CSMD1: variants seen among roughly 807,000 people sequenced by gnomAD.
CSMD1 encodes CUB and Sushi multiple domains 1, also known as CUB and sushi domain-containing protein 1.
CSMD1 carries 213 observed loss-of-function variants against 417.5 expected under a neutral mutation model. The ratio of observed to expected loss-of-function variants is 0.51; its 90% confidence interval spans 0.46 to 0.57. The LOEUF (loss-of-function observed/expected upper bound fraction) is 0.57. CSMD1 is among the 20% of genes least tolerant of loss of function. The pLI, the probability that CSMD1 is intolerant of heterozygous loss-of-function variation, is 0.00. For missense variants in CSMD1, 6,923 were observed against 4,529.7 expected (o/e 1.53, Z -15.17); for synonymous variants, 2,862 against 1,736.8 (o/e 1.65, Z -16.11).
intron 1 of CSMD1, among the ~76,000 whole-genome samples, chr8:4,798,340 C>G (rs996613896): frequency 3.3e-5 from 5 of 152,188 alleles, no homozygotes; most frequent in Non-Finnish European, 7.3e-5. Flanking sequence ...AGGACATGAA[C>G]TCATCCTTTT....
rs950927290 is a variant in CSMD1, at chr8:4,490,908, A to G, written c.303-70843T>C. Among the ~76,000 whole-genome samples, 8 of 152,230 alleles carry G rather than the reference A, an allele frequency of 5.3e-5. No homozygotes were observed. In the South Asian group the frequency reaches 1.4e-3, roughly 28 times the overall value. On this transcript the variant is annotated intron_variant, in intron 2 of 69. Coordinates refer to ENST00000635120, the MANE Select transcript of CSMD1 (RefSeq NM_033225.6). The stretch of plus-strand genomic sequence containing the variant: ...AAGCACAGCAGTGGTTTCTAGGACT[A>G]TAACTTATCACAGGAGTGGATAAGG...
intron 23 of CSMD1, among the ~76,000 whole-genome samples, chr8:3,328,165 G>C (rs776771524): frequency 1.3e-5 from 2 of 152,168 alleles, no homozygotes; most frequent in East Asian, 1.9e-4. Context: ...CCTAAACCTG[G>C]TTCTTGGATG....
intron 7 of CSMD1, among the ~76,000 whole-genome samples, chr8:3,646,161 A>G (rs1797559620): frequency 6.6e-6 from 1 of 152,142 alleles, no homozygotes; most frequent in Non-Finnish European, 1.5e-5. Flanking sequence ...ACAATATATA[A>G]AATGAAAAAG....
intron 1 of CSMD1, among the ~76,000 whole-genome samples, chr8:4,907,483 C>T (rs1039683475): frequency 6.6e-4 from 101 of 152,102 alleles, no homozygotes; most frequent in African/African-American, 2.4e-3. Flanking sequence ...ATATAAAAAT[C>T]CTAAACTCAT....
At chr8:4,691,861 T>C (rs1465110497) in intron 1 of CSMD1, among the ~76,000 whole-genome samples, 1 of 152,226 alleles carries the variant, frequency 6.6e-6, no homozygotes, top group East Asian at 1.9e-4. Flanking sequence ...TTCACACTTC[T>C]CAAACACACT....
At chr8:4,468,633 T>G (rs1263485969) in intron 2 of CSMD1, among the ~76,000 whole-genome samples, 1 of 152,200 alleles carries the variant, frequency 6.6e-6, no homozygotes, top group African/African-American at 2.4e-5. Context: ...ATTGTTAAAA[T>G]GGTCCATATC....
intron 8 of CSMD1, among the ~76,000 whole-genome samples, chr8:3,593,880 TA>T (rs1041210537): frequency 3.3e-5 from 5 of 152,298 alleles, no homozygotes; most frequent in African/African-American, 1.2e-4. Flanking sequence ...TCCTCCATCT[TA>T]CTTGATTTTC....
intron 38 of CSMD1, among the ~76,000 whole-genome samples, chr8:3,159,279 G>A (rs754941173): frequency 4.3e-4 from 65 of 152,112 alleles, no homozygotes; most frequent in Non-Finnish European, 8.7e-4. Context: ...TCCGATGAGC[G>A]ATTCTAGCTA....
chr8:2,938,976 T>A (rs929267410), intron 69 of CSMD1, among the ~76,000 whole-genome samples: 4 of 152,138 alleles, frequency 2.6e-5, no homozygotes, highest in Non-Finnish European at 5.9e-5. Context: ...TTAAATAAAA[T>A]TTTTTTGAGA....
intron 3 of CSMD1, among the ~76,000 whole-genome samples, chr8:4,073,372 C>G (rs1799657043): frequency 6.6e-6 from 1 of 152,070 alleles, no homozygotes; most frequent in African/African-American, 2.4e-5. Flanking sequence ...CAAGGTCGTA[C>G]TTAATGAAGC....
chr8:3,559,080 G>A (rs1386117744), intron 10 of CSMD1, among the ~76,000 whole-genome samples: 2 of 152,208 alleles, frequency 1.3e-5, no homozygotes, highest in Non-Finnish European at 2.9e-5. Context: ...ATATTATGCT[G>A]AAGAATAACA....
At chr8:4,196,478 G>C (rs375770453) in intron 3 of CSMD1, among the ~76,000 whole-genome samples, 1 of 152,100 alleles carries the variant, frequency 6.6e-6, no homozygotes, top group African/African-American at 2.4e-5. Context: ...CGATTCAGGT[G>C]CTTTTAGAAT....
chr8:4,458,242 A>C (rs1368471870), intron 2 of CSMD1, among the ~76,000 whole-genome samples: 4 of 152,206 alleles, frequency 2.6e-5, no homozygotes, highest in African/African-American at 9.7e-5. Context: ...GGTCACACTT[A>C]AATGGTTGCA....
At chr8:3,551,585 T>TAC (rs1798913708) in intron 10 of CSMD1, among the ~76,000 whole-genome samples, 1 of 104,674 alleles carries the variant, frequency 9.6e-6, no homozygotes, top group Admixed American at 8.7e-5. Context: ...TATGTATATA[T>TAC]ATATATATAT....
intron 5 of CSMD1, among the ~76,000 whole-genome samples, chr8:3,938,029 T>C (rs1478315014): frequency 6.6e-6 from 1 of 152,140 alleles, no homozygotes; most frequent in African/African-American, 2.4e-5. Flanking sequence ...TAACATAAAA[T>C]AAAAATGCTT....
At position 3,277,302 on chromosome 8, in the gene CSMD1, C is replaced by T. The variant is rs375794308; in HGVS notation, c.4153+6842G>A. On this transcript the variant is annotated intron_variant, in intron 26 of 69. Coordinates refer to ENST00000635120, the MANE Select transcript of CSMD1 (RefSeq NM_033225.6). ...GGGAGAGTTCTAAGCAGAAGTGAGG[C>T]GTTGCCCACGTTGCTGCGGAAAAGG... Among the ~76,000 whole-genome samples, 6 of 152,182 alleles carry T rather than the reference C, an allele frequency of 3.9e-5. No individual in the cohort carries two copies. In the East Asian group the frequency reaches 7.8e-4, roughly 20 times the overall value.
At chr8:3,450,194 T>A (rs919187172) in intron 12 of CSMD1, among the ~76,000 whole-genome samples, 1 of 152,202 alleles carries the variant, frequency 6.6e-6, no homozygotes, top group Non-Finnish European at 1.5e-5. Flanking sequence ...CAGCCTCTGA[T>A]AAGATGGGCC....
intron 26 of CSMD1, among the ~76,000 whole-genome samples, chr8:3,239,715 C>T (rs1227541298): frequency 6.6e-6 from 1 of 152,174 alleles, no homozygotes; most frequent in African/African-American, 2.4e-5. Context: ...CATAGCCTGC[C>T]TTTGCTGGCG....
chr8:4,283,265 T>C (rs1477852919), intron 3 of CSMD1, among the ~76,000 whole-genome samples: 2 of 152,234 alleles, frequency 1.3e-5, no homozygotes, highest in South Asian at 2.1e-4. Context: ...ATGAAGACTT[T>C]TAATGCACAT....
Sources: gnomAD v4.1 joint callset for allele counts (sites outside exome capture counted in the v4.1 genomes callset) on GRCh38, gnomAD v4.1.1 for gene constraint, MANE v1.5 for transcripts, NCBI Gene and HGNC (gene_info 2026-07-23, HGNC 2026-07-21) for gene names.